The following MAML2 variants were observed in gnomAD, a reference collection of about 807,000 sequenced individuals.
MAML2 encodes mastermind like transcriptional coactivator 2.
Under a neutral mutation model 96.1 loss-of-function variants are expected in MAML2, and 22 were observed. The observed-to-expected ratio is 0.23, with a 90% CI of 0.16 to 0.33. The LOEUF (loss-of-function observed/expected upper bound fraction) is 0.33. Among genes scored for constraint, MAML2 ranks in the 10% least tolerant of loss-of-function variants. The probability of loss-of-function intolerance (pLI) is 1.00; values close to 1 mark genes in which losing one functional copy is unlikely to be tolerated. For synonymous variants in MAML2, 561 were observed against 521.3 expected (o/e 1.08, Z -1.04); for missense variants, 1,367 against 1,392.4 (o/e 0.98, Z 0.29).
In MAML2 at chr11:96,342,594, G is replaced by C. The variant is rs570332999; in HGVS notation, c.-699C>G. 1.9e-4 allele frequency: 73 copies of C among 394,240 alleles called. 2 individuals carry two copies. In the South Asian group the frequency reaches 9.6e-3, roughly 52 times the overall value. 24.4% of individuals were successfully genotyped at this position (394,240 alleles called of 1,614,324 possible). A position where few individuals can be genotyped will look rare whatever the true frequency, so the allele number is the denominator to read the frequency against. Reference sequence around the variant, plus strand: ...CGCTCCGGTGTTTTCTCCTCTTTGGGGTACTGTAGGATGTTGTCTTCTCCC... The same window carrying C: ...CGCTCCGGTGTTTTCTCCTCTTTGGCGTACTGTAGGATGTTGTCTTCTCCC... On this transcript the variant is annotated 5_prime_UTR_variant, in exon 1 of 5. Transcript: ENST00000524717.
chr11:95,996,261 T>C (rs1857989649), intron 2 of MAML2, among the ~76,000 whole-genome samples: 1 of 152,116 alleles, frequency 6.6e-6, no homozygotes, highest in Non-Finnish European at 1.5e-5. Flanking sequence ...GTAGACAGAG[T>C]GCTCAATGTT....
chr11:96,078,560 G>A (rs1859482641), intron 2 of MAML2, among the ~76,000 whole-genome samples: 1 of 152,200 alleles, frequency 6.6e-6, no homozygotes, highest in Non-Finnish European at 1.5e-5. Flanking sequence ...CTAAATGAAA[G>A]GGCTTCTGCT....
intron 1 of MAML2, among the ~76,000 whole-genome samples, chr11:96,260,795 CAA>C (rs113056889): frequency 6.5e-5 from 9 of 137,740 alleles, no homozygotes; most frequent in Admixed American, 1.4e-4. Context: ...TATTTGCAGG[CAA>C]AAAAAAAAAA....
At chr11:96,071,732 T>C (rs1212415407) in intron 2 of MAML2, among the ~76,000 whole-genome samples, 1 of 152,248 alleles carries the variant, frequency 6.6e-6, no homozygotes, top group Non-Finnish European at 1.5e-5. Flanking sequence ...TTTTAAATTC[T>C]CCAGTCACCA....
In MAML2 at chr11:96,020,609, G is replaced by A. The variant is rs114487000; in HGVS notation, c.2140-28886C>T. Among the ~76,000 whole-genome samples, 852 of 152,296 alleles carry A rather than the reference G, an allele frequency of 5.6e-3. 6 individuals carry two copies. The highest frequency in any genetic ancestry group is 0.02 in the African/African-American group (821 of 41,562). On this transcript the variant is annotated intron_variant, in intron 2 of 4. Coordinates refer to ENST00000524717, the MANE Select transcript of MAML2 (RefSeq NM_032427.4). ...CATGTGATTCTGATGCAGTGGATCC[G>A]CAGGCCACGTGTGAACTGATGAGAG...
chr11:96,181,384 C>A (rs1055836818), intron 1 of MAML2, among the ~76,000 whole-genome samples: 1 of 150,510 alleles, frequency 6.6e-6, no homozygotes, highest in Non-Finnish European at 1.5e-5. Context: ...TGGGAGTTGG[C>A]TCTCCAGATC....
At chr11:96,323,001 G>A (rs571600770) in intron 1 of MAML2, among the ~76,000 whole-genome samples, 1 of 151,780 alleles carries the variant, frequency 6.6e-6, no homozygotes, top group South Asian at 2.1e-4. Context: ...CGTCCACACT[G>A]AAAATGCATA....
chr11:96,092,135 C>G lies in MAML2; in HGVS notation c.1896G>C (p.Gln632His). ...SSISAQQQQQ[Q>H]QSSISAQQQQ... ...GCTGTTGGGCTGAAATTGAGCTCTG[C>G]TGCTGTTGCTGTTGTTGAGCTGAAA... Residue 632 changes from glutamine (Q) to histidine (H), a missense_variant, in exon 2 of 5, where the codon CAG (glutamine) becomes CAC (histidine). Physicochemically the swap from Gln to His is conservative, Grantham distance 24. Transcript: ENST00000524717. The surrounding 1 kb of genome is among the most constrained non-coding windows in gnomAD (Gnocchi z 4.1). 6.5e-7 allele frequency: 1 copy of G among 1,548,494 alleles called. No individual in the cohort carries two copies. Among genetic ancestry groups the G allele is most frequent in the Non-Finnish European group, 8.7e-7 (1 of 1,146,228 alleles).
At chr11:96,231,293 A>G (rs1379626705) in intron 1 of MAML2, among the ~76,000 whole-genome samples, 1 of 147,666 alleles carries the variant, frequency 6.8e-6, no homozygotes, top group Non-Finnish European at 1.5e-5. Context: ...TAAAGTCTCT[A>G]CAGAAAGGAA....
intron 1 of MAML2, among the ~76,000 whole-genome samples, chr11:96,221,336 C>T (rs1367751742): frequency 6.6e-6 from 1 of 152,074 alleles, no homozygotes. Flanking sequence ...CCAAACCTAT[C>T]AAGACTCAGA....
chr11:96,050,850 G>A (rs1858978442), intron 2 of MAML2, among the ~76,000 whole-genome samples: 1 of 152,172 alleles, frequency 6.6e-6, no homozygotes, highest in South Asian at 2.1e-4. Context: ...CCTGCCCAGT[G>A]TGGATCTCAT....
intron 1 of MAML2, among the ~76,000 whole-genome samples, chr11:96,162,970 C>G (rs1299015562): frequency 6.6e-6 from 1 of 152,186 alleles, no homozygotes; most frequent in Non-Finnish European, 1.5e-5. Flanking sequence ...GATATGCAGG[C>G]CTTCTGTGCT....
intron 2 of MAML2, among the ~76,000 whole-genome samples, chr11:96,021,439 C>A (rs371517982): frequency 8.5e-5 from 13 of 152,310 alleles, no homozygotes; most frequent in Admixed American, 7.8e-4. Flanking sequence ...TTGTGGGCTA[C>A]TCACTGAATG....
chr11:96,034,892 C>T (rs2036357653), intron 2 of MAML2, among the ~76,000 whole-genome samples: 1 of 152,134 alleles, frequency 6.6e-6, no homozygotes, highest in East Asian at 1.9e-4. Flanking sequence ...ATCATTGTAA[C>T]CATATGGTTT....
intron 1 of MAML2, among the ~76,000 whole-genome samples, chr11:96,140,198 C>A (rs962757006): frequency 3.9e-5 from 6 of 152,226 alleles, no homozygotes; most frequent in African/African-American, 1.4e-4. Context: ...TTGTGGCAAG[C>A]ACAAAAGCCA....
chr11:96,084,452 G>T (rs1321066991), intron 2 of MAML2, among the ~76,000 whole-genome samples: 1 of 152,080 alleles, frequency 6.6e-6, no homozygotes, highest in East Asian at 1.9e-4. Flanking sequence ...TTTATCCAAG[G>T]GCATGTCCAT....
chr11:96,338,425 A>T (rs981905879), intron 1 of MAML2, among the ~76,000 whole-genome samples: 7 of 152,284 alleles, frequency 4.6e-5, no homozygotes, highest in African/African-American at 1.7e-4. Context: ...CAATGTGGAC[A>T]GAATTAAAAC....
At chr11:96,158,569 G>A (rs1203377504) in intron 1 of MAML2, among the ~76,000 whole-genome samples, 2 of 152,122 alleles carry the variant, frequency 1.3e-5, no homozygotes, top group African/African-American at 2.4e-5. Context: ...CTTTTGCCTG[G>A]GTGGAGGCTA....
At chr11:96,178,489 C>T (rs1861429348) in intron 1 of MAML2, among the ~76,000 whole-genome samples, 1 of 152,120 alleles carries the variant, frequency 6.6e-6, no homozygotes, top group Non-Finnish European at 1.5e-5. Flanking sequence ...CCTTACTGTG[C>T]ACTAGGTCAC....
Sources: gnomAD v4.1 joint callset for allele counts (sites outside exome capture counted in the v4.1 genomes callset) on GRCh38, gnomAD v4.1.1 for gene constraint, Gnocchi (gnomAD v3.1) non-coding constraint, MANE v1.5 for transcripts, NCBI Gene and HGNC (gene_info 2026-07-23, HGNC 2026-07-21) for gene names.